The following GABRG3 variants were observed in gnomAD, a reference collection of about 807,000 sequenced individuals.
The protein encoded by GABRG3 is gamma-aminobutyric acid receptor subunit gamma-3.
GABRG3 carries 25 observed loss-of-function variants against 48.8 expected under a neutral mutation model. The ratio of observed to expected loss-of-function variants is 0.51; its 90% CI spans 0.37 to 0.72. The LOEUF (loss-of-function observed/expected upper bound fraction) is 0.72, where lower values mean the gene tolerates loss of function less well. Ranked by LOEUF, GABRG3 falls within the 30% of genes least tolerant of loss-of-function variation. GABRG3 has a pLI of 0.00. For missense variants in GABRG3, 394 were observed against 577.9 expected, an observed-to-expected ratio of 0.68 and a Z score of 3.26; for synonymous variants, 227 against 217.6, an observed-to-expected ratio of 1.04 and a Z score of -0.38.
chr15:27,037,105 G>A (rs1306771413), intron 3 of GABRG3, among the ~76,000 whole-genome samples: 8 of 152,156 alleles, frequency 5.3e-5, no homozygotes, highest in Non-Finnish European at 1.0e-4. Flanking sequence ...CCAGAAGCCA[G>A]GGCAGAGCCC....
chr15:27,333,763 A>G (rs941265533), intron 5 of GABRG3, among the ~76,000 whole-genome samples: 2 of 150,714 alleles, frequency 1.3e-5, no homozygotes, highest in South Asian at 4.2e-4. Flanking sequence ...CACAATTCTC[A>G]GATTGTCAGG....
chr15:27,033,936 A>G (rs1287693814), intron 3 of GABRG3, among the ~76,000 whole-genome samples: 2 of 152,104 alleles, frequency 1.3e-5, no homozygotes, highest in Non-Finnish European at 2.9e-5. Context: ...CTCAGTGTTC[A>G]TGGCCTTTGG....
intron 6 of GABRG3, among the ~76,000 whole-genome samples, chr15:27,491,847 T>C (rs1890363351): frequency 6.6e-6 from 1 of 152,216 alleles, no homozygotes; most frequent in South Asian, 2.1e-4. Context: ...CCTGTAGTCG[T>C]ACTTCAAATA....
At chr15:27,369,649 TAC>T (rs1285369455) in intron 5 of GABRG3, among the ~76,000 whole-genome samples, 1 of 151,250 alleles carries the variant, frequency 6.6e-6, no homozygotes, top group Non-Finnish European at 1.5e-5. Flanking sequence ...CTACTAAAAA[TAC>T]AAAAAATTAA....
intron 5 of GABRG3, among the ~76,000 whole-genome samples, chr15:27,474,061 G>A (rs1382537416): frequency 7.0e-6 from 1 of 142,164 alleles, no homozygotes; most frequent in South Asian, 2.4e-4. Context: ...CAGCCATCAC[G>A]GCCATGCTCT....
intron 2 of GABRG3, among the ~76,000 whole-genome samples, chr15:27,012,771 G>A (rs747317125): frequency 2.6e-5 from 4 of 152,040 alleles, no homozygotes; most frequent in East Asian, 1.9e-4. Context: ...TCCGTTTCAC[G>A]CACTGTGATT....
chr15:27,192,699 T>C (rs1888359048), intron 3 of GABRG3, among the ~76,000 whole-genome samples: 1 of 152,226 alleles, frequency 6.6e-6, no homozygotes, highest in South Asian at 2.1e-4. Flanking sequence ...AGTTTGATCA[T>C]CTGAAGCCTC....
At chr15:27,219,315 T>G (rs1024451791) in intron 3 of GABRG3, among the ~76,000 whole-genome samples, 49 of 151,802 alleles carry the variant, frequency 3.2e-4, no homozygotes, top group African/African-American at 1.2e-3. Context: ...GACCATTGTT[T>G]GTGCTCCTCC....
intron 3 of GABRG3, among the ~76,000 whole-genome samples, chr15:27,218,202 T>A (rs1889329543): frequency 6.6e-6 from 1 of 152,012 alleles, no homozygotes; most frequent in South Asian, 2.1e-4. Flanking sequence ...TGTTTAATAT[T>A]TGTTAAAGAT....
chr15:27,358,999 C>A (rs1894935455), intron 5 of GABRG3, among the ~76,000 whole-genome samples: 4 of 152,228 alleles, frequency 2.6e-5, no homozygotes, highest in Admixed American at 2.0e-4. Flanking sequence ...GCAGGCTCAG[C>A]GCAAGAGCCG....
At chr15:27,338,847 T>C (rs558378700) in intron 5 of GABRG3, among the ~76,000 whole-genome samples, 75 of 152,374 alleles carry the variant, frequency 4.9e-4, no homozygotes, top group African/African-American at 1.7e-3. Flanking sequence ...GCAAACTGTA[T>C]TTCATTCTAA....
intron 3 of GABRG3, among the ~76,000 whole-genome samples, chr15:27,281,381 A>G (rs1891427895): frequency 6.6e-6 from 1 of 151,830 alleles, no homozygotes; most frequent in South Asian, 2.1e-4. Context: ...AAAAATAAAT[A>G]GACTTCATCT....
chr15:27,220,646 T>C (rs1477689232), intron 3 of GABRG3, among the ~76,000 whole-genome samples: 1 of 152,232 alleles, frequency 6.6e-6, no homozygotes, highest in Non-Finnish European at 1.5e-5. Context: ...TATGCTAAGA[T>C]GTTCTATAGA....
chr15:27,132,689 C>A (rs1185555106), intron 3 of GABRG3, among the ~76,000 whole-genome samples: 1 of 150,632 alleles, frequency 6.6e-6, no homozygotes, highest in East Asian at 1.9e-4. Context: ...TAGTTACATG[C>A]ATTTTCTTCA....
At chr15:27,479,137 A>C (rs984167037) in intron 5 of GABRG3, among the ~76,000 whole-genome samples, 8 of 152,182 alleles carry the variant, frequency 5.3e-5, no homozygotes, top group Admixed American at 1.3e-4. Context: ...AAAAAAAAAA[A>C]ACCCTGATTT....
chr15:27,022,303 T>C (rs117955014), intron 2 of GABRG3, among the ~76,000 whole-genome samples: 2 of 152,276 alleles, frequency 1.3e-5, no homozygotes, highest in Non-Finnish European at 2.9e-5. Context: ...AGGCTTCTTC[T>C]CTTCTTCTTA....
chr15:27,029,484 C>T (rs1896043619), intron 3 of GABRG3, among the ~76,000 whole-genome samples: 1 of 151,566 alleles, frequency 6.6e-6, no homozygotes, highest in African/African-American at 2.4e-5. Flanking sequence ...CACTCGTGCA[C>T]ACACACAGGC....
intron 3 of GABRG3, among the ~76,000 whole-genome samples, chr15:27,244,485 A>G (rs1595608815): frequency 1.3e-5 from 2 of 152,350 alleles, no homozygotes; most frequent in Middle Eastern, 6.8e-3. Flanking sequence ...ATCATGTAAC[A>G]TGGCTTCAAC....
At chr15:27,385,331 T>A (rs1183925269) in intron 5 of GABRG3, among the ~76,000 whole-genome samples, 1 of 151,542 alleles carries the variant, frequency 6.6e-6, no homozygotes, top group Admixed American at 6.6e-5. Context: ...AGTTTGACTA[T>A]CTTGTGTCTA....
Sources: allele counts gnomAD v4.1 joint callset (sites outside exome capture counted in the v4.1 genomes callset), GRCh38; gene constraint gnomAD v4.1.1; transcripts MANE v1.5; gene names NCBI Gene and HGNC (gene_info 2026-07-23, HGNC 2026-07-21).